Variants in SORBS2 observed in about 807,000 individuals in gnomAD.
The protein encoded by SORBS2 is sorbin and SH3 domain containing 2.
Under a neutral mutation model 97.7 loss-of-function variants are expected in SORBS2, and 46 were observed. The ratio of observed to expected loss-of-function variants is 0.47; its 90% CI spans 0.37 to 0.60. SORBS2 has a LOEUF of 0.60. Ranked by LOEUF, SORBS2 falls within the 20% of genes least tolerant of loss-of-function variation. The pLI is 0.00. For missense variants in SORBS2, 1,316 were observed against 1,282.3 expected, an observed-to-expected ratio of 1.03 and a Z score of -0.40; for synonymous variants, 476 against 473.4, an observed-to-expected ratio of 1.01 and a Z score of -0.07.
chr4:185,605,611 G>T (rs891087757), intron 12 of SORBS2, among the ~76,000 whole-genome samples: 4 of 151,264 alleles, frequency 2.6e-5, no homozygotes, highest in African/African-American at 9.7e-5. Context: ...TTGAGATGGA[G>T]TCTCGCTCTG....
chr4:185,753,782 A>C (rs2098814616), intron 2 of SORBS2, among the ~76,000 whole-genome samples: 1 of 152,188 alleles, frequency 6.6e-6, no homozygotes, highest in Non-Finnish European at 1.5e-5. Flanking sequence ...GCACCAATGG[A>C]TGTGAGTTTC....
At chr4:185,932,312 T>C (rs537633775) in intron 1 of SORBS2, among the ~76,000 whole-genome samples, 14 of 150,974 alleles carry the variant, frequency 9.3e-5, no homozygotes, top group African/African-American at 3.4e-4. Flanking sequence ...CAGTGGAGGG[T>C]AGAGAGTAGG....
At chr4:185,753,568 T>G (rs541040560) in intron 2 of SORBS2, among the ~76,000 whole-genome samples, 14 of 152,292 alleles carry the variant, frequency 9.2e-5, no homozygotes, top group Admixed American at 8.5e-4. Context: ...TCAGATAAAG[T>G]AAAAAAGATA....
intron 1 of SORBS2, among the ~76,000 whole-genome samples, chr4:185,928,568 C>T (rs112027761): frequency 1.1e-3 from 171 of 151,988 alleles, no homozygotes; most frequent in African/African-American, 3.8e-3. Flanking sequence ...TTTTTTGAGA[C>T]GGAGTTTTGC....
At chr4:185,657,651 T>C, upstream of SORBS2, 3 of 1,497,654 alleles carry the variant, frequency 2.0e-6, no homozygotes, top group African/African-American at 1.4e-5. Context: ...GAATCATAAA[T>C]TCATGTGTCT....
intron 2 of SORBS2, among the ~76,000 whole-genome samples, chr4:185,652,182 T>C (rs1220500151): frequency 1.3e-5 from 2 of 152,168 alleles, no homozygotes; most frequent in African/African-American, 4.8e-5. Context: ...CTTGCTGCCC[T>C]CTTCGTAGCA....
intron 2 of SORBS2, among the ~76,000 whole-genome samples, chr4:185,682,014 A>G (rs2097877225): frequency 6.6e-6 from 1 of 152,198 alleles, no homozygotes; most frequent in African/African-American, 2.4e-5. Context: ...TTATTTTAAA[A>G]TGTTGATTAA....
At chr4:185,734,499 C>T (rs1360004350) in intron 2 of SORBS2, among the ~76,000 whole-genome samples, 1 of 152,158 alleles carries the variant, frequency 6.6e-6, no homozygotes, top group Non-Finnish European at 1.5e-5. Flanking sequence ...TTCAGTTCCT[C>T]TTTCCTTGCC....
chr4:185,857,784 G>A lies in SORBS2; in HGVS notation c.-337-82418C>T, dbSNP rs2099221397. 2.6e-5 allele frequency among the ~76,000 whole-genome samples: 4 copies of A among 152,188 alleles called. No homozygotes were observed. In the South Asian group the frequency reaches 8.3e-4, roughly 32 times the overall value. Reference sequence around the variant, plus strand: ...ATGAAATACGCCCTGGTCTCCTGCAGTGCCCTCAGGCCTACTAGGATTGGG... The same window carrying A: ...ATGAAATACGCCCTGGTCTCCTGCAATGCCCTCAGGCCTACTAGGATTGGG... On this transcript the variant is annotated intron_variant, in intron 1 of 20. Coordinates refer to the SORBS2 transcript ENST00000284776.
At chr4:185,757,020 G>A (rs1353430834) in intron 2 of SORBS2, 21 of 985,760 alleles carry the variant, frequency 2.1e-5, no homozygotes, top group Non-Finnish European at 3.4e-5. Context: ...AAAGACGTGA[G>A]TGGCATCAAT....
chr4:185,870,740 G>A (rs2149740712), intron 1 of SORBS2, among the ~76,000 whole-genome samples: 1 of 152,290 alleles, frequency 6.6e-6, no homozygotes, highest in African/African-American at 2.4e-5. Context: ...ATCCACCTTT[G>A]GTGAGGTGAT....
At chr4:185,673,268 C>T (rs1044229131) in intron 4 of SORBS2, among the ~76,000 whole-genome samples, 3 of 152,176 alleles carry the variant, frequency 2.0e-5, no homozygotes, top group Non-Finnish European at 4.4e-5. Flanking sequence ...CTACAGTTAA[C>T]AATACTGCAT....
rs543934333 is a variant in SORBS2 at position 185,898,706 on chromosome 4, A to G, written c.-338+57490T>C. ...TGAAGAAGTAATAGAAATAAAATGC[A>G]GAGTGGTATGGAGAGGGCGTCAGTT... On this transcript the variant is annotated intron_variant, in intron 1 of 20. Transcript: ENST00000284776. 2.0e-5 allele frequency among the ~76,000 whole-genome samples: 3 copies of G among 152,332 alleles called. No homozygotes were observed. The South Asian group carries it at 6.2e-4, about 32-fold the overall frequency.
At chr4:185,834,428 CA>C (rs1475234107) in intron 1 of SORBS2, among the ~76,000 whole-genome samples, 1 of 152,058 alleles carries the variant, frequency 6.6e-6, no homozygotes, top group Non-Finnish European at 1.5e-5. Context: ...TTAGCATGTA[CA>C]CGTTTCTATC....
At chr4:185,736,042 G>A (rs964280555) in intron 2 of SORBS2, among the ~76,000 whole-genome samples, 2 of 152,144 alleles carry the variant, frequency 1.3e-5, no homozygotes, top group East Asian at 3.9e-4. Flanking sequence ...CCGTGGACAG[G>A]TGCCAAGTCA....
intron 1 of SORBS2, among the ~76,000 whole-genome samples, chr4:185,943,801 T>C (rs1355182569): frequency 2.0e-5 from 3 of 152,268 alleles, no homozygotes; most frequent in Non-Finnish European, 4.4e-5. Flanking sequence ...GGCCATGTAA[T>C]ACAATGCCCT....
chr4:185,879,265 C>A (rs35816161), intron 1 of SORBS2, among the ~76,000 whole-genome samples: 1,948 of 146,850 alleles, frequency 0.013, 21 homozygotes, highest in Middle Eastern at 0.022. Context: ...TGAGAACATG[C>A]GGTGTTTGGT....
intron 2 of SORBS2, among the ~76,000 whole-genome samples, chr4:185,769,177 G>T (rs1345318037): frequency 6.6e-6 from 1 of 152,078 alleles, no homozygotes; most frequent in Non-Finnish European, 1.5e-5. Context: ...TTCAGATTTT[G>T]GAATATTTGC....
intron 2 of SORBS2, among the ~76,000 whole-genome samples, chr4:185,768,712 CAAAAA>C (rs72088117): frequency 8.6e-6 from 1 of 116,800 alleles, no homozygotes. Flanking sequence ...AAAAAAAAAA[CAAAAA>C]AACAAAAAAA....
Sources: gnomAD v4.1 joint callset for allele counts (sites outside exome capture counted in the v4.1 genomes callset) on GRCh38, gnomAD v4.1.1 for gene constraint, MANE v1.5 for transcripts, NCBI Gene and HGNC (gene_info 2026-07-23, HGNC 2026-07-21) for gene names.